Variants in MYO3B observed in about 807,000 individuals in gnomAD.
MYO3B encodes myosin-IIIb.
Under a neutral mutation model 174.6 loss-of-function variants are expected in MYO3B, and 156 were observed. The observed-to-expected ratio is 0.89, with a 90% CI of 0.78 to 1.02. The LOEUF (loss-of-function observed/expected upper bound fraction) is 1.02, where lower values mean the gene tolerates loss of function less well. Among genes scored for constraint, MYO3B ranks in the 50% least tolerant of loss-of-function variants. MYO3B has a pLI of 0.00. For synonymous variants in MYO3B, 563 were observed against 569.1 expected (o/e 0.99, Z 0.15); for missense variants, 1,632 against 1,639.4 (o/e 1.00, Z 0.08).
intron 32 of MYO3B, among the ~76,000 whole-genome samples, chr2:170,581,686 C>A (rs1177634973): frequency 6.6e-6 from 1 of 151,718 alleles, no homozygotes; most frequent in Non-Finnish European, 1.5e-5. Flanking sequence ...ACTAATAGGT[C>A]CAGCTCCATT....
intron 25 of MYO3B, among the ~76,000 whole-genome samples, chr2:170,473,687 A>G (rs914385413): frequency 6.6e-6 from 1 of 152,208 alleles, no homozygotes; most frequent in East Asian, 1.9e-4. Context: ...TGACAATGCT[A>G]TTATTAGAAG....
intron 25 of MYO3B, among the ~76,000 whole-genome samples, chr2:170,480,948 T>C (rs545871887): frequency 2.6e-5 from 4 of 152,342 alleles, no homozygotes; most frequent in Admixed American, 1.3e-4. Context: ...TCAGTTAACA[T>C]TGTGAAAAGT....
Position 170,369,339 on chromosome 2 carries a change from C to T in MYO3B, c.933C>T (p.Leu311=), listed in dbSNP as rs772286849. Residue 311 remains leucine, a synonymous_variant, in exon 9 of 35, where the codon CTC becomes CTT. Transcript: ENST00000408978. The part of the protein sequence containing the change: ...LFLQKQLAKV[L]QDQKHQNPVA... Reference sequence around the variant, plus strand: ...TGCAAAAACAGCTGGCCAAGGTTCTCCAAGACCAGAAGCATCAAAATCCTG... The same window carrying T: ...TGCAAAAACAGCTGGCCAAGGTTCTTCAAGACCAGAAGCATCAAAATCCTG... 1.9e-6 allele frequency: 3 copies of T among 1,613,456 alleles called. No homozygotes were observed. The South Asian group carries it at 3.3e-5, about 18-fold the overall frequency.
chr2:170,514,876 T>G, intron 28 of MYO3B, 45 bp from the exon 29 acceptor site: 2 of 1,550,950 alleles, frequency 1.3e-6, no homozygotes, highest in Non-Finnish European at 1.8e-6. Context: ...TTCATCTAGG[T>G]GTGGGAGCAT....
At chr2:170,415,113 T>C (rs986195410) in intron 22 of MYO3B, among the ~76,000 whole-genome samples, 2 of 152,238 alleles carry the variant, frequency 1.3e-5, no homozygotes, top group Admixed American at 6.5e-5. Flanking sequence ...CAGTATGATA[T>C]TGGATAAAAG....
intron 9 of MYO3B, among the ~76,000 whole-genome samples, chr2:170,377,609 G>T (rs1249813927): frequency 6.6e-6 from 1 of 152,062 alleles, no homozygotes; most frequent in Non-Finnish European, 1.5e-5. Flanking sequence ...CCGCTCCACT[G>T]CCACACCAAA....
At chr2:170,598,137 A>T (rs1342584639) in intron 32 of MYO3B, among the ~76,000 whole-genome samples, 1 of 152,240 alleles carries the variant, frequency 6.6e-6, no homozygotes, top group East Asian at 1.9e-4. Context: ...AATTTAAAGC[A>T]TATGGTTTCA....
chr2:170,308,468 G>A (rs953079613), intron 7 of MYO3B, among the ~76,000 whole-genome samples: 6 of 152,090 alleles, frequency 3.9e-5, no homozygotes, highest in Admixed American at 3.9e-4. Context: ...TTATGTCAAT[G>A]GATGTGTGAA....
intron 30 of MYO3B, among the ~76,000 whole-genome samples, chr2:170,536,311 A>G (rs1689678451): frequency 6.6e-6 from 1 of 152,226 alleles, no homozygotes; most frequent in African/African-American, 2.4e-5. Flanking sequence ...AGCCCTTCTG[A>G]TGAATTTATC....
At chr2:170,310,557 G>A (rs911876916) in intron 7 of MYO3B, among the ~76,000 whole-genome samples, 2 of 151,378 alleles carry the variant, frequency 1.3e-5, no homozygotes, top group Non-Finnish European at 1.5e-5. Flanking sequence ...CCAGCTACTT[G>A]GGAGGCTGAG....
chr2:170,528,156 G>A (rs1689120954), intron 30 of MYO3B, among the ~76,000 whole-genome samples: 1 of 152,176 alleles, frequency 6.6e-6, no homozygotes, highest in Admixed American at 6.5e-5. Context: ...TTAACACCAT[G>A]TCATTTTTCT....
intron 6 of MYO3B, among the ~76,000 whole-genome samples, chr2:170,226,632 T>A (rs190281175): frequency 6.6e-6 from 1 of 152,222 alleles, no homozygotes; most frequent in Non-Finnish European, 1.5e-5. Flanking sequence ...GGGGGGCTGA[T>A]TCTGGAGGAG....
rs552868169 is a variant in MYO3B, at chr2:170,245,197, C to A, written c.749+9061C>A. Among the ~76,000 whole-genome samples the A allele has an allele frequency of 3.3e-5, 5 of 152,258 alleles. No individual in the cohort carries two copies. The South Asian group carries it at 1.0e-3, about 32-fold the overall frequency. ...AAGGGGTGGTTGGTGTGCTGGATGA[C>A]AGGCTTGGAATCCCACAATGTCTTA... On this transcript the variant is annotated intron_variant, in intron 7 of 34. Coordinates refer to ENST00000408978, the MANE Select transcript of MYO3B (RefSeq NM_138995.5).
chr2:170,631,399 G>C (rs1168623576), intron 32 of MYO3B, among the ~76,000 whole-genome samples: 1 of 151,914 alleles, frequency 6.6e-6, no homozygotes, highest in Non-Finnish European at 1.5e-5. Context: ...AGGGGACTAT[G>C]TGAAAAGACC....
chr2:170,589,781 G>A (rs1359164378), intron 32 of MYO3B, among the ~76,000 whole-genome samples: 1 of 152,180 alleles, frequency 6.6e-6, no homozygotes, highest in Non-Finnish European at 1.5e-5. Context: ...TAGTCTAAGT[G>A]TATAGTGTTT....
intron 32 of MYO3B, chr2:170,650,091 G>A (rs1207895721): frequency 7.8e-6 from 1 of 128,804 alleles, no homozygotes; most frequent in Non-Finnish European, 1.6e-5. Context: ...GGAGTGCAGT[G>A]GCGCAATCTT....
At chr2:170,292,409 C>T (rs1001771896) in intron 7 of MYO3B, among the ~76,000 whole-genome samples, 1 of 152,166 alleles carries the variant, frequency 6.6e-6, no homozygotes. Flanking sequence ...ATGGCTGTCT[C>T]ATTAGGTCAG....
chr2:170,366,051 A>G (rs969126876), intron 8 of MYO3B, among the ~76,000 whole-genome samples: 2 of 152,116 alleles, frequency 1.3e-5, no homozygotes, highest in South Asian at 2.1e-4. Flanking sequence ...AAAATGCTAT[A>G]TAAACTGCAT....
At chr2:170,363,194 A>G (rs551770493) in intron 8 of MYO3B, among the ~76,000 whole-genome samples, 1 of 152,262 alleles carries the variant, frequency 6.6e-6, no homozygotes, top group African/African-American at 2.4e-5. Flanking sequence ...AGGAAGTATA[A>G]AAGACAGAAT....
Sources: allele counts gnomAD v4.1 joint callset (sites outside exome capture counted in the v4.1 genomes callset), GRCh38; gene constraint gnomAD v4.1.1; transcripts MANE v1.5; gene names NCBI Gene and HGNC (gene_info 2026-07-23, HGNC 2026-07-21).